CLSTN2: variants seen among roughly 807,000 people sequenced by gnomAD.
The protein encoded by CLSTN2 is calsyntenin 2, also known as calsyntenin-2.
In CLSTN2, 48 loss-of-function variants were observed where a neutral mutation model predicts 101.2. That is an observed-to-expected ratio of 0.47 (90% CI 0.38 to 0.60). CLSTN2 has a LOEUF of 0.60. Ranked by LOEUF, CLSTN2 falls within the 20% of genes least tolerant of loss-of-function variation. The probability of loss-of-function intolerance (pLI) is 0.00; values close to 1 mark genes in which losing one functional copy is unlikely to be tolerated. For missense variants in CLSTN2, 1,160 were observed against 1,238.2 expected (o/e 0.94, Z 0.95); for synonymous variants, 481 against 463.6 (o/e 1.04, Z -0.48).
intron 1 of CLSTN2, among the ~76,000 whole-genome samples, chr3:140,147,371 GC>G (rs1307665771): frequency 6.6e-6 from 1 of 152,298 alleles, no homozygotes; most frequent in Admixed American, 6.5e-5. Context: ...GGGAATGTCA[GC>G]TTCTCTGTTA....
intron 2 of CLSTN2, among the ~76,000 whole-genome samples, chr3:140,348,921 G>C (rs2107941320): frequency 6.6e-6 from 1 of 152,296 alleles, no homozygotes; most frequent in East Asian, 1.9e-4. Context: ...CCATGACTTT[G>C]CCAAGACTGG....
At chr3:140,565,992 G>A in intron 16 of CLSTN2, 61 bp from the exon 17 acceptor site, 1 of 1,603,862 alleles carries the variant, frequency 6.2e-7, no homozygotes, top group South Asian at 1.1e-5. Flanking sequence ...AGAGACATAA[G>A]CTCCAAAATG....
intron 1 of CLSTN2, among the ~76,000 whole-genome samples, chr3:139,942,327 A>G (rs1935145495): frequency 1.3e-5 from 2 of 152,144 alleles, no homozygotes; most frequent in Non-Finnish European, 2.9e-5. Context: ...GGCCTCAAGC[A>G]GAGGAGGCAG....
intron 1 of CLSTN2, among the ~76,000 whole-genome samples, chr3:139,990,071 G>C (rs1936091492): frequency 6.6e-6 from 1 of 152,154 alleles, no homozygotes; most frequent in Non-Finnish European, 1.5e-5. Flanking sequence ...ATCTTTTGTT[G>C]CTTGTAGGCA....
intron 1 of CLSTN2, among the ~76,000 whole-genome samples, chr3:140,098,171 C>T (rs1466516630): frequency 6.6e-6 from 1 of 152,096 alleles, no homozygotes; most frequent in Non-Finnish European, 1.5e-5. Flanking sequence ...TTGGAGGTTT[C>T]AAGAATGCCA....
chr3:140,411,348 TA>T (rs1221738060), intron 4 of CLSTN2, among the ~76,000 whole-genome samples: 1 of 152,252 alleles, frequency 6.6e-6, no homozygotes, highest in South Asian at 2.1e-4. Context: ...TATATGATAA[TA>T]AAAAAAGTAA....
chr3:139,945,943 A>G (rs558764974), intron 1 of CLSTN2, among the ~76,000 whole-genome samples: 19 of 152,348 alleles, frequency 1.2e-4, no homozygotes, highest in African/African-American at 4.3e-4. Context: ...GTTCATTAAC[A>G]CTATGAACTG....
chr3:140,547,263 C>T (rs1324155464), intron 10 of CLSTN2, among the ~76,000 whole-genome samples: 1 of 151,458 alleles, frequency 6.6e-6, no homozygotes, highest in Non-Finnish European at 1.5e-5. Context: ...ATCACAAGGT[C>T]AGTAGTTCGA....
chr3:140,272,429 C>T (rs2086751082), intron 2 of CLSTN2, among the ~76,000 whole-genome samples: 1 of 150,596 alleles, frequency 6.6e-6, no homozygotes, highest in African/African-American at 2.5e-5. Context: ...GCCTAGAATA[C>T]AATAGCCAAT....
intron 8 of CLSTN2, among the ~76,000 whole-genome samples, chr3:140,467,610 C>T (rs1426974395): frequency 6.6e-6 from 1 of 152,118 alleles, no homozygotes; most frequent in Non-Finnish European, 1.5e-5. Context: ...TTATTCTGCC[C>T]CTTCCATATG....
intron 1 of CLSTN2, among the ~76,000 whole-genome samples, chr3:140,161,791 C>A (rs1046824452): frequency 6.6e-6 from 1 of 152,166 alleles, no homozygotes; most frequent in Non-Finnish European, 1.5e-5. Context: ...TGACAAGCCA[C>A]ATACTAAACT....
chr3:140,378,921 C>T (rs4589894), intron 2 of CLSTN2, among the ~76,000 whole-genome samples: 145,436 of 152,298 alleles, frequency 0.95, 69,790 homozygotes, highest in East Asian at 1. Flanking sequence ...TTTACCCTTC[C>T]CTCCCACCTT....
intron 4 of CLSTN2, among the ~76,000 whole-genome samples, chr3:140,418,503 TTCTTTCTTTCTTTC>T (rs1263667440): frequency 0.17 from 19,764 of 114,938 alleles, 1,804 homozygotes; most frequent in African/African-American, 0.37. Context: ...CTTTCTTTCT[TTCTTTCTTTCTTTC>T]TTTTTTTTTT....
intron 9 of CLSTN2, among the ~76,000 whole-genome samples, chr3:140,534,562 A>G (rs571782752): frequency 2.6e-5 from 4 of 152,374 alleles, no homozygotes; most frequent in South Asian, 2.1e-4. Context: ...CTGAAAATCA[A>G]TGAGGGCTCT....
chr3:140,045,062 A>T (rs2007844055), intron 1 of CLSTN2, among the ~76,000 whole-genome samples: 1 of 152,070 alleles, frequency 6.6e-6, no homozygotes, highest in Non-Finnish European at 1.5e-5. Context: ...GTTAGAGAGG[A>T]TTCTCTCTTT....
At chr3:140,157,107 C>T (rs1255367254) in intron 1 of CLSTN2, among the ~76,000 whole-genome samples, 1 of 152,076 alleles carries the variant, frequency 6.6e-6, no homozygotes, top group African/African-American at 2.4e-5. Flanking sequence ...CATCGCTGCT[C>T]AGAACTATTC....
At chr3:139,978,434 A>G (rs952573745) in intron 1 of CLSTN2, among the ~76,000 whole-genome samples, 8 of 152,152 alleles carry the variant, frequency 5.3e-5, no homozygotes, top group African/African-American at 1.9e-4. Context: ...TTATTGTTGC[A>G]TAGAAAGTAC....
At chr3:140,321,698 T>C (rs550502672) in intron 2 of CLSTN2, among the ~76,000 whole-genome samples, 27 of 152,230 alleles carry the variant, frequency 1.8e-4, no homozygotes, top group Non-Finnish European at 1.5e-4. Context: ...GTTCCCCTCC[T>C]AAGAAGGCAG....
rs763401522 is a variant in CLSTN2 at position 140,563,982 on chromosome 3, T to C, written c.2504T>C (p.Val835Ala). The C allele has an allele frequency of 6.2e-7, 1 of 1,614,134 alleles. No individual in the cohort carries two copies. The highest frequency in any genetic ancestry group is 8.5e-7 in the Non-Finnish European group (1 of 1,180,000). ...HSSVVPSIATVVIIISVCMLV... is the reference protein window; with the variant it reads ...HSSVVPSIATAVIIISVCMLV... The stretch of plus-strand genomic sequence containing the variant: ...CCAGTGGTCCCAAGCATTGCCACAG[T>C]GGTCATCATCATCTCCGTGTGCATG... The change falls in exon 16 of 17, where the codon GTG (valine) becomes GCG (alanine). Residue 835 changes from valine to alanine, a missense_variant. Transcript: ENST00000458420.
Sources: gnomAD v4.1 joint callset for allele counts (sites outside exome capture counted in the v4.1 genomes callset) on GRCh38, gnomAD v4.1.1 for gene constraint, MANE v1.5 for transcripts, NCBI Gene and HGNC (gene_info 2026-07-23, HGNC 2026-07-21) for gene names.